RANBP2: variants seen among roughly 807,000 people sequenced by gnomAD.
The protein encoded by RANBP2 is RAN binding protein 2, also known as E3 SUMO-protein ligase RanBP2.
RANBP2 carries 57 observed loss-of-function variants against 303.6 expected under a neutral mutation model. The ratio of observed to expected loss-of-function variants is 0.19; its 90% CI spans 0.15 to 0.23. The LOEUF is 0.23. Ranked by LOEUF, RANBP2 falls within the 10% of genes least tolerant of loss-of-function variation. The pLI is 1.00. For missense variants in RANBP2, 3,138 were observed against 3,780.8 expected, an observed-to-expected ratio of 0.83 and a Z score of 4.46; for synonymous variants, 1,167 against 1,301.5, an observed-to-expected ratio of 0.90 and a Z score of 2.23.
At chr2:108,903,780 A>G in the RANBP2 span, among the ~76,000 whole-genome samples, 1 of 152,214 alleles carries the variant, frequency 6.6e-6, no homozygotes, top group South Asian at 2.1e-4. Context: ...AAACTATGTG[A>G]ACTTAAATGT....
the RANBP2 span, among the ~76,000 whole-genome samples, chr2:109,386,785 G>A: frequency 6.6e-6 from 1 of 152,140 alleles, no homozygotes; most frequent in African/African-American, 2.4e-5. Context: ...GCTAGACCTT[G>A]CCTGAAACAT....
At chr2:108,779,817 G>T (rs1488058254) in intron 25 of RANBP2, among the ~76,000 whole-genome samples, 1 of 152,176 alleles carries the variant, frequency 6.6e-6, no homozygotes, top group Non-Finnish European at 1.5e-5. Context: ...CCTTTGGGCA[G>T]TTGAAGTCAG....
the RANBP2 span, among the ~76,000 whole-genome samples, chr2:109,440,255 C>T: frequency 6.6e-6 from 1 of 152,144 alleles, no homozygotes; most frequent in Admixed American, 6.5e-5. Flanking sequence ...CAGCATGCAG[C>T]AGTAGGAGAG....
chr2:109,690,421 T>G, the RANBP2 span, among the ~76,000 whole-genome samples: 2 of 152,240 alleles, frequency 1.3e-5, no homozygotes, highest in East Asian at 1.9e-4. Context: ...CAATCAGATA[T>G]GCCTTTATCT....
At chr2:109,607,851 AC>A in the RANBP2 span, among the ~76,000 whole-genome samples, 21 of 152,320 alleles carry the variant, frequency 1.4e-4, no homozygotes, top group African/African-American at 5.1e-4. Context: ...TAGGAAAGTC[AC>A]CCACTGACTA....
At chr2:109,625,081 C>CAAAAAA in the RANBP2 span, among the ~76,000 whole-genome samples, 1 of 46,356 alleles carries the variant, frequency 2.2e-5, no homozygotes, top group Non-Finnish European at 4.4e-5. Flanking sequence ...ACAACAACAA[C>CAAAAAA]AACAACAAAA....
chr2:109,529,473 A>G, the RANBP2 span, among the ~76,000 whole-genome samples: 2 of 152,154 alleles, frequency 1.3e-5, no homozygotes, highest in African/African-American at 4.8e-5. Context: ...TGCACGGGGA[A>G]GGAGATAGCA....
chr2:109,441,260 A>G, the RANBP2 span, among the ~76,000 whole-genome samples: 1 of 152,238 alleles, frequency 6.6e-6, no homozygotes, highest in Non-Finnish European at 1.5e-5. Context: ...TCAATCAATC[A>G]AAACTGACCC....
At chr2:109,694,901 C>T in the RANBP2 span, among the ~76,000 whole-genome samples, 3 of 150,216 alleles carry the variant, frequency 2.0e-5, no homozygotes, top group East Asian at 1.9e-4. Context: ...GTCCCACTCT[C>T]GGTTTCCTTC....
the RANBP2 span, among the ~76,000 whole-genome samples, chr2:108,987,653 A>G: frequency 6.6e-6 from 1 of 152,226 alleles, no homozygotes; most frequent in Non-Finnish European, 1.5e-5. Flanking sequence ...TGCTGTCACA[A>G]ATTAATCCTC....
the RANBP2 span, among the ~76,000 whole-genome samples, chr2:109,592,675 G>C: frequency 1.6e-3 from 222 of 141,428 alleles, 3 homozygotes; most frequent in Non-Finnish European, 5.1e-4. Flanking sequence ...AGCTACTCGG[G>C]AGGCTGAGAC....
At chr2:109,668,126 A>G in the RANBP2 span, 1 of 152,460 alleles carries the variant, frequency 6.6e-6, no homozygotes, top group South Asian at 2.1e-4. Flanking sequence ...TGAACACATC[A>G]TACAGACTGT....
At chr2:108,991,571 C>G in the RANBP2 span, among the ~76,000 whole-genome samples, 875 of 152,312 alleles carry the variant, frequency 5.7e-3, 8 homozygotes, top group African/African-American at 0.02. Context: ...CCACCTGCCC[C>G]CTTCATGAGG....
chr2:109,604,267 C>T, the RANBP2 span, among the ~76,000 whole-genome samples: 1 of 149,052 alleles, frequency 6.7e-6, no homozygotes, highest in African/African-American at 2.5e-5. Flanking sequence ...TTGCTTGAAC[C>T]TAGGAGGCAG....
chr2:109,460,771 C>A, the RANBP2 span, among the ~76,000 whole-genome samples: 1 of 152,246 alleles, frequency 6.6e-6, no homozygotes, highest in African/African-American at 2.4e-5. Context: ...GCCAAATCAT[C>A]GGCCACAGCC....
chr2:109,361,508 C>CT, the RANBP2 span, among the ~76,000 whole-genome samples: 1 of 152,292 alleles, frequency 6.6e-6, no homozygotes, highest in African/African-American at 2.4e-5. Context: ...GAGTCTCGCT[C>CT]TGTCACCCAG....
chr2:108,978,204 A>G, the RANBP2 span, among the ~76,000 whole-genome samples: 1 of 152,198 alleles, frequency 6.6e-6, no homozygotes, highest in East Asian at 1.9e-4. Context: ...ATAGACGTGC[A>G]TATCTTTTAG....
chr2:109,766,286 G>A, the RANBP2 span, among the ~76,000 whole-genome samples: 3 of 151,110 alleles, frequency 2.0e-5, no homozygotes, highest in Admixed American at 1.3e-4. Flanking sequence ...GGAGGCAGGG[G>A]GCCTCGATGG....
chr2:108,752,023 A>T (rs1057958), intron 12 of RANBP2, 29 bp downstream of exon 12: 28 of 1,609,932 alleles, frequency 1.7e-5, no homozygotes, highest in African/African-American at 2.7e-5. Context: ...GCATTTTTAA[A>T]GAACATTACC....
Sources: gnomAD v4.1 joint callset for allele counts (sites outside exome capture counted in the v4.1 genomes callset) on GRCh38, gnomAD v4.1.1 for gene constraint, MANE v1.5 for transcripts, NCBI Gene and HGNC (gene_info 2026-07-23, HGNC 2026-07-21) for gene names.